ANAPC2: variants seen among roughly 807,000 people sequenced by gnomAD.
The protein encoded by ANAPC2 is anaphase promoting complex subunit 2.
Under a neutral mutation model 84.3 loss-of-function variants are expected in ANAPC2, and 29 were observed. The ratio of observed to expected loss-of-function variants is 0.34; its 90% confidence interval spans 0.26 to 0.47. The LOEUF (loss-of-function observed/expected upper bound fraction) is 0.47, where lower values mean the gene tolerates loss of function less well. ANAPC2 is among the 20% of genes least tolerant of loss of function. The pLI is 1.00. For missense variants in ANAPC2, 857 were observed against 1,131.7 expected (o/e 0.76, Z 3.48); for synonymous variants, 571 against 479.4 (o/e 1.19, Z -2.50).
chr9:137,187,924 C>A lies in ANAPC2; in HGVS notation c.297G>T (p.Glu99Asp), dbSNP rs762982194. The A allele has an allele frequency of 1.5e-5, 25 of 1,613,894 alleles. No individual in the cohort carries two copies. The highest frequency in any genetic ancestry group is 1.9e-5 in the Non-Finnish European group (23 of 1,180,040). The stretch of plus-strand genomic sequence containing the variant: ...GGCACTGGGGCTCATCCGCAGAGTT[C>A]TCGCATTGGGAGATGGCATTCCAGA... ...PEFWNAISQC[E>D]NSADEPQCLL... is the part of the protein sequence containing the mutation. Residue 99 changes from glutamate to aspartate, a missense_variant, in exon 2 of 13, where the codon GAG (glutamate) becomes GAT (aspartate). Transcript: ENST00000323927.
Position 137,186,652 on chromosome 9 carries a change from C to T in ANAPC2, c.741-296G>A, listed in dbSNP as rs1208531038. On this transcript the variant is annotated intron_variant, in intron 2 of 12. Transcript: ENST00000323927. ...GATCAGTGGCAGCAGGTGTGGCTGT[C>T]GGGGGCCCTAGCCTTATCTCCTAGG... is the stretch of plus-strand genomic sequence containing the variant. 9.6e-5 allele frequency: 42 copies of T among 439,664 alleles called. No individual in the cohort carries two copies. The East Asian group carries it at 1.4e-3, about 15-fold the overall frequency. The allele number at this position is 439,664 out of a possible 1,614,324, so 27.2% of individuals were successfully genotyped here.
At chr9:137,180,609 C>T in intron 8 of ANAPC2, 82 bp from the exon 9 acceptor site, 2 of 1,590,492 alleles carry the variant, frequency 1.3e-6, no homozygotes, top group Non-Finnish European at 8.6e-7. Context: ...GGGGGTGCCC[C>T]CCAGGCAGAG....
chr9:137,176,078 A>C, intron 10 of ANAPC2: 1 of 448,260 alleles, frequency 2.2e-6, no homozygotes, highest in Non-Finnish European at 3.8e-6. Context: ...GGGCCTCCTG[A>C]CCCCCAGTGC....
intron 3 of ANAPC2, among the ~76,000 whole-genome samples, chr9:137,185,506 C>T (rs1479501494): frequency 3.9e-5 from 6 of 152,216 alleles, no homozygotes; most frequent in South Asian, 2.1e-4. Context: ...CAGGCGTGCT[C>T]ATGCCCCACA....
Position 137,175,942 on chromosome 9 carries a change from C to T in ANAPC2, c.1891-105G>A, listed in dbSNP as rs148037497. 1.1e-3 allele frequency: 1,554 copies of T among 1,388,512 alleles called. 8 individuals carry two copies. In the African/African-American group the frequency reaches 0.018, roughly 16 times the overall value. The allele number at this position is 1,388,512 out of a possible 1,614,324, so 86.0% of individuals were successfully genotyped here. A position where few individuals can be genotyped will look rare whatever the true frequency, so the allele number is the denominator to read the frequency against. ...AGAAAGGGGCTCCCAGAGCCACCTG[C>T]CCCACCCCACCCTGGCAGGCAGGTG... is the stretch of plus-strand genomic sequence containing the variant. On this transcript the variant is annotated intron_variant, in intron 10 of 12. Transcript: ENST00000323927.
intron 2 of ANAPC2, chr9:137,187,078 C>G (rs1348917984): frequency 2.9e-5 from 6 of 205,258 alleles, no homozygotes; most frequent in Non-Finnish European, 4.0e-5. Flanking sequence ...TCACAGTGAC[C>G]TGATCTTCCT....
chr9:137,175,629 A>G (rs1045813260), intron 11 of ANAPC2, 79 bp downstream of exon 11: 1 of 1,537,244 alleles, frequency 6.5e-7, no homozygotes, highest in Non-Finnish European at 8.8e-7. Context: ...CCCAAACCAC[A>G]CCCTCACTGG....
At chr9:137,180,620 C>G in intron 8 of ANAPC2, 93 bp from the exon 9 acceptor site, 1 of 1,587,258 alleles carries the variant, frequency 6.3e-7, no homozygotes, top group Non-Finnish European at 8.6e-7. Flanking sequence ...CCAGGCAGAG[C>G]AGGGAGCCTG....
chr9:137,184,546 C>CCCCAGACGCAGACACAGGGAG (rs1834417323), intron 4 of ANAPC2, among the ~76,000 whole-genome samples: 1 of 137,408 alleles, frequency 7.3e-6, no homozygotes, highest in Non-Finnish European at 1.5e-5. Context: ...GCCCTGGGAG[C>CCCCAGACGCAGACACAGGGAG]CCCAGACGCA....
At position 137,175,107 on chromosome 9, in the gene ANAPC2, G is replaced by C. The variant is rs1374335456; in HGVS notation, c.2304C>G (p.Leu768=). The change falls in exon 13 of 13, where the codon CTC becomes CTG. Residue 768 remains leucine (L), a synonymous_variant. Transcript: ENST00000323927. ...GCATGTTGTAGATACGATCCAGTGAGAGGCTCTCCAGGTTGGTCAGCATGG... is the reference window on the plus strand; with the variant it reads ...GCATGTTGTAGATACGATCCAGTGACAGGCTCTCCAGGTTGGTCAGCATGG... The part of the protein sequence containing the change: ...IQAMLTNLES[L]SLDRIYNMLR... 6.2e-7 allele frequency: 1 copy of C among 1,609,462 alleles called. No homozygotes were observed. Among genetic ancestry groups the C allele is most frequent in the African/African-American group, 1.3e-5 (1 of 74,880 alleles).
In ANAPC2 at chr9:137,175,412, C is replaced by T. The variant is rs1333718780; in HGVS notation, c.2081G>A (p.Arg694Gln). 1.0e-5 allele frequency: 16 copies of T among 1,607,380 alleles called. No individual in the cohort carries two copies. Among genetic ancestry groups the T allele is most frequent in the Non-Finnish European group, 1.2e-5 (14 of 1,177,782 alleles). The change falls in exon 12 of 13, where the codon CGG becomes CAG. Residue 694 changes from arginine to glutamine, a missense_variant. This residue lies in a region of ANAPC2 where 425 missense variants were observed against 595.5 expected (regional missense o/e 0.71). Transcript: ENST00000323927. ...CTGCTGCAGCCACACGGACATCCGC[C>T]GCCGCAGCAGCGCCACGGGCATCTT... is the stretch of plus-strand genomic sequence containing the variant. ...AVKMPVALLR[R>Q]RMSVWLQQGV...
At chr9:137,180,606 C>T (rs1278187567) in intron 8 of ANAPC2, 79 bp from the exon 9 acceptor site, 1 of 1,586,554 alleles carries the variant, frequency 6.3e-7, no homozygotes, top group Middle Eastern at 1.8e-4. Context: ...CACGGGGGTG[C>T]CCCCCAGGCA....
intron 6 of ANAPC2, among the ~76,000 whole-genome samples, chr9:137,182,264 G>C (rs1307530893): frequency 6.6e-6 from 1 of 152,194 alleles, no homozygotes; most frequent in Non-Finnish European, 1.5e-5. Flanking sequence ...TGTAATCCCA[G>C]CACTTCAGGA....
rs575531529 is a variant in ANAPC2 at position 137,180,774 on chromosome 9, G to A, written c.1610+14C>T. ...CGGCACCCCTGGAGATGGCCAGCGC[G>A]TCACAGGCCTCACCGCTCGGGGCTG... is the stretch of plus-strand genomic sequence containing the variant. On this transcript the variant is annotated intron_variant, in intron 8 of 12. Coordinates refer to ENST00000323927, the MANE Select transcript of ANAPC2 (RefSeq NM_013366.4). 5.8e-5 allele frequency: 94 copies of A among 1,607,318 alleles called. No individual in the cohort carries two copies. In the South Asian group the frequency reaches 6.6e-4, roughly 11 times the overall value.
intron 10 of ANAPC2, among the ~76,000 whole-genome samples, chr9:137,177,630 C>T (rs1352684596): frequency 6.6e-6 from 1 of 152,168 alleles, no homozygotes; most frequent in Non-Finnish European, 1.5e-5. Context: ...GACACTGGGG[C>T]TGTCACTTGC....
At chr9:137,184,838 C>T (rs1489988901) in intron 4 of ANAPC2, 75 bp downstream of exon 4, 8 of 1,558,932 alleles carry the variant, frequency 5.1e-6, no homozygotes, top group Non-Finnish European at 6.1e-6. Context: ...GATGCAGACA[C>T]AGAGGAGACA....
chr9:137,188,410 C>A lies in ANAPC2; in HGVS notation c.117+6G>T, dbSNP rs369033443. On this transcript the variant is annotated splice_donor_region_variant and intron_variant, in intron 1 of 12. Transcript: ENST00000323927. ...GCGGGGCCGCCCCTCTCTTCCCAGG[C>A]CTCACCAGCCCCAGCGCAGCCGGCG... 6.9e-6 allele frequency: 11 copies of A among 1,605,274 alleles called. No individual in the cohort carries two copies. The highest frequency in any genetic ancestry group is 9.3e-6 in the Non-Finnish European group (11 of 1,178,556).
chr9:137,183,030 G>A lies in ANAPC2; in HGVS notation c.1286+95C>T, dbSNP rs1032389484. 138 of 997,474 alleles carry A rather than the reference G, an allele frequency of 1.4e-4. 1 individual carries two copies. Among genetic ancestry groups the A allele is most frequent in the South Asian group, 7.0e-4 (50 of 70,932 alleles). The allele number at this position is 997,474 out of a possible 1,614,324, so 61.8% of individuals were successfully genotyped here. A position where few individuals can be genotyped will look rare whatever the true frequency, so the allele number is the denominator to read the frequency against. On this transcript the variant is annotated intron_variant, in intron 6 of 12. Transcript: ENST00000323927. Reference sequence around the variant, plus strand: ...GCCGGGGGAGACCTTGTGTCCTGACGGCCGAACACACCCTCCGGCTGCCCC... The same window carrying A: ...GCCGGGGGAGACCTTGTGTCCTGACAGCCGAACACACCCTCCGGCTGCCCC...
chr9:137,181,952 A>G, intron 6 of ANAPC2, 90 bp from the exon 7 acceptor site: 1 of 1,405,102 alleles, frequency 7.1e-7, no homozygotes. Flanking sequence ...CATCTAGGCC[A>G]GCACCACCGA....
Sources: allele counts gnomAD v4.1 joint callset (sites outside exome capture counted in the v4.1 genomes callset), GRCh38; gene constraint gnomAD v4.1.1; regional missense constraint gnomAD v4.1.1; transcripts MANE v1.5; gene names NCBI Gene and HGNC (gene_info 2026-07-23, HGNC 2026-07-21).